TTC6: variants seen among roughly 807,000 people sequenced by gnomAD.
The protein encoded by TTC6 is tetratricopeptide repeat protein 6.
TTC6 carries 172 observed loss-of-function variants against 210.4 expected under a neutral mutation model. The ratio of observed to expected loss-of-function variants is 0.82; its 90% CI spans 0.72 to 0.93. The LOEUF (loss-of-function observed/expected upper bound fraction) is 0.93, where lower values mean the gene tolerates loss of function less well. Among genes scored for constraint, TTC6 ranks in the 40% least tolerant of loss-of-function variants. The pLI is 0.00. For synonymous variants in TTC6, 804 were observed against 819.6 expected (o/e 0.98, Z 0.32); for missense variants, 2,414 against 2,318.1 (o/e 1.04, Z -0.85).
At chr14:37,826,720 A>C (rs1352975690) in intron 28 of TTC6, among the ~76,000 whole-genome samples, 1 of 152,138 alleles carries the variant, frequency 6.6e-6, no homozygotes, top group African/African-American at 2.4e-5. Flanking sequence ...TGAAATGACA[A>C]GTAAAAATCT....
chr14:37,757,165 T>G lies in TTC6; in HGVS notation c.3266+3930T>G, dbSNP rs576721590. Among the ~76,000 whole-genome samples, 7 of 152,240 alleles carry G rather than the reference T, an allele frequency of 4.6e-5. No homozygotes were observed. The South Asian group carries it at 8.3e-4, about 18-fold the overall frequency. ...TTTGTAGTGTTCTCTGATGGTAGTT[T>G]GTATTTCTGTGGGATCAGTGGTCAT... On this transcript the variant is annotated intron_variant, in intron 14 of 30. Transcript: ENST00000553443.
Position 37,615,124 on chromosome 14 carries a change from T to A in TTC6, c.-154-6926T>A, listed in dbSNP as rs942339237. ...GTCTTCTGTTCTTAGGGGTGTCTGA[T>A]GAGAAGTCCATGGTCTTTGAATTAT... On this transcript the variant is annotated intron_variant, in intron 2 of 2. Transcript: ENST00000556845. 2.0e-5 allele frequency among the ~76,000 whole-genome samples: 3 copies of A among 152,248 alleles called. No individual in the cohort carries two copies. In the South Asian group the frequency reaches 6.2e-4, roughly 31 times the overall value.
At position 37,787,549 on chromosome 14, in the gene TTC6, TC is replaced by T; in HGVS notation, c.3350del (p.Pro1117LeufsTer5). On this transcript the variant is annotated frameshift_variant, in exon 15 of 31. Transcript: ENST00000553443. LOFTEE classifies it high-confidence loss of function. ...ATTTTTCTGCTGCAATTCACTTAGATCCTAATAACTGGTTAGCGTTGTATTA... is the reference window on the plus strand; with the variant it reads ...ATTTTTCTGCTGCAATTCACTTAGATCTAATAACTGGTTAGCGTTGTATTA... 6.5e-7 allele frequency: 1 copy of T among 1,531,850 alleles called. No individual in the cohort carries two copies. The highest frequency in any genetic ancestry group is 8.7e-7 in the Non-Finnish European group (1 of 1,144,064). The allele number at this position is 1,531,850 out of a possible 1,614,324, so 94.9% of individuals were successfully genotyped here. A position where few individuals can be genotyped will look rare whatever the true frequency, so the allele number is the denominator to read the frequency against.
At chr14:37,740,036 C>T (rs1451429681) in intron 10 of TTC6, among the ~76,000 whole-genome samples, 4 of 151,744 alleles carry the variant, frequency 2.6e-5, no homozygotes, top group African/African-American at 4.8e-5. Flanking sequence ...TGATGGTGGG[C>T]ACCTGTAGTC....
chr14:37,635,056 A>G (rs1327102256), intron 1 of TTC6, among the ~76,000 whole-genome samples: 1 of 152,238 alleles, frequency 6.6e-6, no homozygotes, highest in East Asian at 1.9e-4. Flanking sequence ...CTATGGCTAC[A>G]TACAATAGAT....
At chr14:37,683,620 A>G in intron 3 of TTC6, among the ~76,000 whole-genome samples, 1 of 152,086 alleles carries the variant, frequency 6.6e-6, no homozygotes, top group East Asian at 1.9e-4. Flanking sequence ...TAATTGTTCT[A>G]TTGTATTATT....
chr14:37,747,448 T>C (rs1312111898), intron 10 of TTC6, among the ~76,000 whole-genome samples: 1 of 152,200 alleles, frequency 6.6e-6, no homozygotes, highest in Admixed American at 6.5e-5. Flanking sequence ...TTTCTACTCC[T>C]AAGTTTGAGA....
rs947157219 is a variant in TTC6, at chr14:37,841,328, T to G, written c.5299-117T>G. 4.8e-6 allele frequency: 4 copies of G among 838,946 alleles called. No individual in the cohort carries two copies. In the African/African-American group the frequency reaches 7.0e-5, roughly 15 times the overall value. 52.0% of individuals were successfully genotyped at this position (838,946 alleles called of 1,614,324 possible). The stretch of plus-strand genomic sequence containing the variant: ...CACCTCTGTACCTGGGATGAAATGC[T>G]TCTGTTGACCTCTTGGTATGCCACT... On this transcript the variant is annotated intron_variant, in intron 29 of 30. Coordinates refer to ENST00000553443, the Ensembl canonical transcript of TTC6.
chr14:37,658,946 C>A (rs1343309302), intron 1 of TTC6, among the ~76,000 whole-genome samples: 1 of 152,014 alleles, frequency 6.6e-6, no homozygotes, highest in African/African-American at 2.4e-5. Context: ...CTCAAGTAGG[C>A]CCCAGTATCT....
intron 20 of TTC6, among the ~76,000 whole-genome samples, chr14:37,797,418 A>G (rs1429482825): frequency 1.3e-5 from 2 of 152,042 alleles, no homozygotes; most frequent in Non-Finnish European, 2.9e-5. Flanking sequence ...TTTGAGCATC[A>G]GGTTGAGAAT....
chr14:37,709,293 ATATTATG>A (rs2095840652), intron 5 of TTC6, among the ~76,000 whole-genome samples: 1 of 152,106 alleles, frequency 6.6e-6, no homozygotes, highest in Admixed American at 6.6e-5. Context: ...TAAGCCTCTC[ATATTATG>A]TATGAGGAGA....
rs1385815549 is a variant in TTC6, at chr14:37,680,262, G to A, written c.1050+1G>A. On this transcript the variant is annotated splice_donor_variant, in intron 2 of 30. Transcript: ENST00000553443. LOFTEE classifies it high-confidence loss of function. ...GATGGGTGCTGAGGAATCGCAAATG[G>A]TAAAGTCTTTAATAAAAATCCTCCT... 1 of 1,505,758 alleles carries A rather than the reference G, an allele frequency of 6.6e-7. No homozygotes were observed. The highest frequency in any genetic ancestry group is 8.9e-7 in the Non-Finnish European group (1 of 1,129,008). 93.3% of individuals were successfully genotyped at this position (1,505,758 alleles called of 1,614,324 possible).
intron 14 of TTC6, among the ~76,000 whole-genome samples, chr14:37,754,089 T>A (rs922253622): frequency 6.6e-6 from 1 of 152,274 alleles, no homozygotes; most frequent in African/African-American, 2.4e-5. Context: ...TATTATTTTA[T>A]TTTAGTTTAA....
At chr14:37,602,417 A>C (rs1800396501) in intron 1 of TTC6, among the ~76,000 whole-genome samples, 1 of 152,240 alleles carries the variant, frequency 6.6e-6, no homozygotes, top group African/African-American at 2.4e-5. Context: ...TGTTGTGGCA[A>C]GGTAATAACT....
upstream of TTC6, among the ~76,000 whole-genome samples, chr14:37,618,350 G>A (rs2095646066): frequency 6.6e-6 from 1 of 152,172 alleles, no homozygotes; most frequent in Non-Finnish European, 1.5e-5. Flanking sequence ...TGAACCTTCT[G>A]GCAGAAGAGA....
exon 1 of TTC6, chr14:37,622,707 A>G (rs557331376): frequency 6.5e-6 from 10 of 1,534,934 alleles, no homozygotes; most frequent in Admixed American, 2.0e-5. Context: ...GGACGGCTAC[A>G]TGGAGGCCAG....
chr14:37,709,683 C>G (rs2095841359), intron 5 of TTC6, among the ~76,000 whole-genome samples: 1 of 108,200 alleles, frequency 9.2e-6, no homozygotes, highest in African/African-American at 3.7e-5. Flanking sequence ...CCTTCCCAAT[C>G]ATGTTTTGTA....
chr14:37,597,420 T>C (rs955108527), intron 1 of TTC6, among the ~76,000 whole-genome samples: 1 of 152,066 alleles, frequency 6.6e-6, no homozygotes, highest in Non-Finnish European at 1.5e-5. Flanking sequence ...TAATAGCTTT[T>C]ATAGTGCACA....
rs1257717808 is a variant in TTC6 at position 37,824,003 on chromosome 14, A to G, written c.4974+46A>G. 6 of 1,563,210 alleles carry G rather than the reference A, an allele frequency of 3.8e-6. 1 individual carries two copies. In the South Asian group the frequency reaches 6.7e-5, roughly 18 times the overall value. ...GCATTAAAAGCATGTTTTGGGGAGA[A>G]AGAATATATTTGGCTCTTTCCTGGC... On this transcript the variant is annotated intron_variant, in intron 27 of 30. Transcript: ENST00000553443.
Sources: allele counts gnomAD v4.1 joint callset (sites outside exome capture counted in the v4.1 genomes callset), GRCh38; gene constraint gnomAD v4.1.1; transcripts MANE v1.5; gene names NCBI Gene and HGNC (gene_info 2026-07-23, HGNC 2026-07-21).